GRM7: variants seen among roughly 807,000 people sequenced by gnomAD.
GRM7 encodes glutamate metabotropic receptor 7.
Under a neutral mutation model 84.5 loss-of-function variants are expected in GRM7, and 35 were observed. That is an observed-to-expected ratio of 0.41 (90% CI 0.32 to 0.55). The LOEUF is 0.55. Among genes scored for constraint, GRM7 ranks in the 20% least tolerant of loss-of-function variants. The probability of loss-of-function intolerance (pLI) is 0.19; values close to 1 mark genes in which losing one functional copy is unlikely to be tolerated. For missense variants in GRM7, 1,003 were observed against 1,194.6 expected (o/e 0.84, Z 2.36); for synonymous variants, 487 against 455.1 (o/e 1.07, Z -0.89).
chr3:7,558,610 A>G (rs1693875541), intron 7 of GRM7, among the ~76,000 whole-genome samples: 1 of 152,146 alleles, frequency 6.6e-6, no homozygotes, highest in African/African-American at 2.4e-5. Flanking sequence ...TTTTTATCCC[A>G]ATATATTTAA....
At chr3:7,650,170 TTAAG>T (rs1470539464) in intron 8 of GRM7, among the ~76,000 whole-genome samples, 3 of 151,944 alleles carry the variant, frequency 2.0e-5, no homozygotes, top group Non-Finnish European at 4.4e-5. Context: ...GTTAATGCTA[TTAAG>T]TAACATTAGT....
At chr3:7,018,159 T>G (rs777834688) in intron 1 of GRM7, among the ~76,000 whole-genome samples, 1 of 152,238 alleles carries the variant, frequency 6.6e-6, no homozygotes, top group Non-Finnish European at 1.5e-5. Context: ...TTATATTACT[T>G]TAACATGTGT....
chr3:6,927,113 T>A (rs1039729719), intron 1 of GRM7, among the ~76,000 whole-genome samples: 13 of 152,084 alleles, frequency 8.5e-5, no homozygotes, highest in Admixed American at 6.6e-5. Context: ...ATATGTGCCA[T>A]AAAATAAGTA....
At chr3:7,057,572 A>G (rs1048662974) in intron 1 of GRM7, among the ~76,000 whole-genome samples, 1 of 152,006 alleles carries the variant, frequency 6.6e-6, no homozygotes, top group Non-Finnish European at 1.5e-5. Context: ...GAATTGTGGC[A>G]AATCATTGCG....
chr3:7,580,865 G>C (rs1695215263), intron 8 of GRM7, among the ~76,000 whole-genome samples: 1 of 151,170 alleles, frequency 6.6e-6, no homozygotes, highest in Admixed American at 6.6e-5. Context: ...ATATGAGTTA[G>C]AGTGGTAAAA....
chr3:7,158,295 T>C (rs111265517), intron 2 of GRM7, among the ~76,000 whole-genome samples: 20 of 152,264 alleles, frequency 1.3e-4, no homozygotes, highest in Middle Eastern at 3.4e-3. Context: ...CCCCACTCTC[T>C]CAGCTTCTGT....
At chr3:7,438,824 G>C (rs181831104) in intron 5 of GRM7, among the ~76,000 whole-genome samples, 1 of 151,654 alleles carries the variant, frequency 6.6e-6, no homozygotes, top group South Asian at 2.1e-4. Flanking sequence ...TCATCTGGGG[G>C]ACACACACAA....
intron 1 of GRM7, among the ~76,000 whole-genome samples, chr3:6,869,062 T>C (rs1190814337): frequency 2.0e-5 from 3 of 152,214 alleles, no homozygotes; most frequent in Admixed American, 6.5e-5. Flanking sequence ...ATTTTTATTA[T>C]GTTTTAAACT....
chr3:7,415,115 T>A lies in GRM7; in HGVS notation c.1126T>A (p.Leu376Met). Residue 376 changes from leucine to methionine, a missense_variant, in exon 5 of 10, where the codon TTG becomes ATG. Leu to Met is a conservative substitution (Grantham distance 15, BLOSUM62 2). Coordinates refer to ENST00000357716, the MANE Select transcript of GRM7 (RefSeq NM_000844.4). ...CTGGGAGGAAAACTTCAACTGCAAG[T>A]TGACGATTAGTGGGTCAAAAAAAGA... The part of the protein sequence containing the change: ...EYWEENFNCK[L>M]TISGSKKEDT... 1 of 1,613,048 alleles carries A rather than the reference T, an allele frequency of 6.2e-7. No homozygotes were observed.
intron 1 of GRM7, among the ~76,000 whole-genome samples, chr3:7,018,506 C>T (rs1034109717): frequency 4.6e-5 from 7 of 152,250 alleles, no homozygotes; most frequent in African/African-American, 1.7e-4. Context: ...GCCCTAACTG[C>T]CCCATACTGT....
intron 1 of GRM7, among the ~76,000 whole-genome samples, chr3:7,145,271 T>C (rs1038302237): frequency 1.3e-5 from 2 of 152,086 alleles, no homozygotes; most frequent in South Asian, 2.1e-4. Context: ...CTGGGAGAGT[T>C]TGTAAGCAGA....
intron 7 of GRM7, among the ~76,000 whole-genome samples, chr3:7,568,522 C>T (rs552667713): frequency 7.2e-5 from 11 of 152,354 alleles, no homozygotes; most frequent in South Asian, 4.1e-4. Flanking sequence ...TTCAGCCTGC[C>T]GCTGCACTGT....
intron 5 of GRM7, among the ~76,000 whole-genome samples, chr3:7,426,095 G>T (rs913616129): frequency 9.2e-4 from 138 of 150,638 alleles, no homozygotes; most frequent in African/African-American, 3.0e-3. Flanking sequence ...CATATCATAC[G>T]TTCTTTCTTT....
At chr3:7,224,166 A>C (rs1254641914) in intron 2 of GRM7, among the ~76,000 whole-genome samples, 1 of 152,206 alleles carries the variant, frequency 6.6e-6, no homozygotes, top group African/African-American at 2.4e-5. Flanking sequence ...TGCAGGCTGT[A>C]CAGGAAGCAT....
At chr3:7,487,965 G>T (rs982331340) in intron 7 of GRM7, among the ~76,000 whole-genome samples, 1 of 152,090 alleles carries the variant, frequency 6.6e-6, no homozygotes, top group African/African-American at 2.4e-5. Flanking sequence ...CAGGGGAGGA[G>T]CTGTCTGATT....
intron 4 of GRM7, among the ~76,000 whole-genome samples, chr3:7,366,607 CATACCCTGAATTTA>C (rs1329238243): frequency 6.6e-6 from 1 of 151,776 alleles, no homozygotes; most frequent in African/African-American, 2.4e-5. Context: ...TCTGTAAGTG[CATACCCTGAATTTA>C]ATACCCTGAA....
At chr3:7,104,863 T>C (rs970366364) in intron 1 of GRM7, among the ~76,000 whole-genome samples, 1 of 151,860 alleles carries the variant, frequency 6.6e-6, no homozygotes, top group African/African-American at 2.4e-5. Context: ...AGATTCAAAG[T>C]CATGTCTCTC....
intron 7 of GRM7, among the ~76,000 whole-genome samples, chr3:7,467,794 A>G (rs1460866847): frequency 1.3e-5 from 2 of 152,196 alleles, no homozygotes; most frequent in African/African-American, 4.8e-5. Flanking sequence ...TATTCACCAT[A>G]GTAATCAAAA....
intron 1 of GRM7, among the ~76,000 whole-genome samples, chr3:6,942,392 T>C (rs1697924536): frequency 6.6e-6 from 1 of 152,142 alleles, no homozygotes; most frequent in African/African-American, 2.4e-5. Context: ...CCACAATATC[T>C]GATGTTCACA....
Sources: gnomAD v4.1 joint callset for allele counts (sites outside exome capture counted in the v4.1 genomes callset) on GRCh38, gnomAD v4.1.1 for gene constraint, MANE v1.5 for transcripts, NCBI Gene and HGNC (gene_info 2026-07-23, HGNC 2026-07-21) for gene names.